The following RAP2C variants were observed in gnomAD, a reference collection of about 807,000 sequenced individuals.
RAP2C encodes RAP2C, member of RAS oncogene family, also known as ras-related protein Rap-2c.
A neutral mutation model predicts 8.9 loss-of-function variants in RAP2C; 3 were observed. The observed-to-expected ratio is 0.34, with a 90% CI of 0.15 to 0.87. RAP2C has a LOEUF of 0.87. Ranked by LOEUF, RAP2C falls within the 40% of genes least tolerant of loss-of-function variation. The probability of loss-of-function intolerance (pLI) is 0.51; values close to 1 mark genes in which losing one functional copy is unlikely to be tolerated. For synonymous variants in RAP2C, 60 were observed against 52.1 expected (o/e 1.15, Z -0.65); for missense variants, 76 against 133.7 (o/e 0.57, Z 2.13).
At chrX:132,214,867 T>C in intron 4 of RAP2C, among the ~76,000 whole-genome samples, 1 of 111,931 alleles carries the variant, frequency 8.9e-6, no homozygotes. Flanking sequence ...TATGCATTCC[T>C]AGCCATGTAG....
At chrX:132,208,603 TTAA>T (rs1164169857) in intron 5 of RAP2C, among the ~76,000 whole-genome samples, 1 of 109,462 alleles carries the variant, frequency 9.1e-6, no homozygotes, top group East Asian at 2.8e-4. Flanking sequence ...AGTAATAATT[TTAA>T]TAAAACATTA....
Position 132,217,101 on chromosome X carries a change from C to T in RAP2C, c.168G>A (p.Leu56=). ...CAAACTGCTCAGTTCCTGCGGTGTC[C>T]AGAATTTCCAGCACGGAGGGGGAAG... ...VDSSPSVLEI[L]DTAGTEQFAS... is the part of the protein sequence containing the mutation. Residue 56 remains leucine, a synonymous_variant, in exon 4 of 6, where the codon CTG becomes CTA. Coordinates refer to ENST00000370874, the MANE Select transcript of RAP2C (RefSeq NM_001271186.2). 1 of 1,202,977 alleles carries T rather than the reference C, an allele frequency of 8.3e-7. No individual in the cohort carries two copies. The highest frequency in any genetic ancestry group is 1.1e-6 in the Non-Finnish European group (1 of 891,073).
chrX:132,216,771 T>C (rs1298378109), intron 4 of RAP2C, among the ~76,000 whole-genome samples: 1 of 112,559 alleles, frequency 8.9e-6, no homozygotes, highest in African/African-American at 3.2e-5. Flanking sequence ...TCACTTTTCT[T>C]TCACTTAAAA....
At position 132,217,299 on chromosome X, in the gene RAP2C, G is replaced by C. The variant is rs375982144; in HGVS notation, c.-31C>G. ...TCACCTTCACCAACTCCTACCAGAGGGGGGGAAAGATCACCCCGCTAGCTG... is the reference window on the plus strand; with the variant it reads ...TCACCTTCACCAACTCCTACCAGAGCGGGGGAAAGATCACCCCGCTAGCTG... On this transcript the variant is annotated 5_prime_UTR_variant, in exon 4 of 6. Coordinates refer to ENST00000370874, the MANE Select transcript of RAP2C (RefSeq NM_001271186.2). 155 of 1,058,322 alleles carry C rather than the reference G, an allele frequency of 1.5e-4. 3 individuals carry two copies. In the Admixed American group the frequency reaches 2.5e-3, roughly 17 times the overall value. The allele number at this position is 1,058,322 out of a possible 1,213,427, so 87.2% of individuals were successfully genotyped here.
intron 4 of RAP2C, among the ~76,000 whole-genome samples, chrX:132,215,115 A>ATTT (rs375550778): frequency 2.9e-5 from 3 of 102,255 alleles, no homozygotes; most frequent in Non-Finnish European, 6.1e-5. Flanking sequence ...GGAAGAAGTC[A>ATTT]TTTTTTTTTT....
intron 5 of RAP2C, 57 bp downstream of exon 5, chrX:132,214,077 T>C (rs941709088): frequency 2.0e-6 from 2 of 1,012,344 alleles, no homozygotes; most frequent in Non-Finnish European, 2.7e-6. Context: ...GCTTTTTGTT[T>C]TACTTGATCA....
intron 2 of RAP2C, 95 bp downstream of exon 2, chrX:132,218,125 CCCACCCCCACCA>C (rs1930715691): frequency 1.2e-5 from 1 of 83,241 alleles, no homozygotes; most frequent in Non-Finnish European, 2.4e-5. Context: ...CACCCCCACC[CCCACCCCCACCA>C]AGCACACACC....
chrX:132,216,629 A>G (rs530227064), intron 4 of RAP2C, among the ~76,000 whole-genome samples: 7 of 111,362 alleles, frequency 6.3e-5, no homozygotes, highest in Admixed American at 4.7e-4. Context: ...TAATTTTTTC[A>G]AAGTGCTCTA....
At chrX:132,212,260 T>C (rs1396282521) in intron 5 of RAP2C, among the ~76,000 whole-genome samples, 1 of 111,785 alleles carries the variant, frequency 8.9e-6, no homozygotes, top group Non-Finnish European at 1.9e-5. Flanking sequence ...ATTTCCATTT[T>C]TAGTATGTTA....
At chrX:132,209,872 C>T (rs910400314) in intron 5 of RAP2C, among the ~76,000 whole-genome samples, 1 of 111,887 alleles carries the variant, frequency 8.9e-6, no homozygotes, top group Non-Finnish European at 1.9e-5. Flanking sequence ...AAGTCTCAAA[C>T]CATGAACCAA....
chrX:132,215,851 C>G (rs1384744407), intron 4 of RAP2C, among the ~76,000 whole-genome samples: 1 of 110,054 alleles, frequency 9.1e-6, no homozygotes, highest in East Asian at 2.8e-4. Flanking sequence ...AGTTTGGTCT[C>G]AATAGCTTTG....
intron 5 of RAP2C, among the ~76,000 whole-genome samples, chrX:132,208,159 A>G (rs972608076): frequency 4.5e-5 from 5 of 111,712 alleles, no homozygotes; most frequent in Non-Finnish European, 7.5e-5. Context: ...GCCTGAAGAA[A>G]AAAAGGGGAT....
intron 5 of RAP2C, among the ~76,000 whole-genome samples, chrX:132,209,741 A>C (rs1320839989): frequency 1.8e-5 from 2 of 111,657 alleles, no homozygotes; most frequent in Non-Finnish European, 3.8e-5. Flanking sequence ...TTATGCAATA[A>C]AAGCCTAATC....
rs1930333951 is a variant in RAP2C, at chrX:132,208,441, T to G, written c.*35-2854A>C. ...TACTTTTTTTGAAAATGAATTTCCT[T>G]TCATATTTAATTAGCATTTTATTTA... is the stretch of plus-strand genomic sequence containing the variant. On this transcript the variant is annotated intron_variant, in intron 5 of 5. Coordinates refer to ENST00000370874, the MANE Select transcript of RAP2C (RefSeq NM_001271186.2). Among the ~76,000 whole-genome samples the G allele has an allele frequency of 4.5e-5, 5 of 111,008 alleles. No homozygotes were observed. The Admixed American group carries it at 4.8e-4, about 11-fold the overall frequency.
chrX:132,216,005 A>G (rs1379546901), intron 4 of RAP2C, among the ~76,000 whole-genome samples: 2 of 112,445 alleles, frequency 1.8e-5, no homozygotes, highest in Admixed American at 9.4e-5. Flanking sequence ...TAAAGCACTT[A>G]AGGTCTCTTA....
At chrX:132,206,539 A>C (rs1930282316) in intron 5 of RAP2C, among the ~76,000 whole-genome samples, 1 of 112,515 alleles carries the variant, frequency 8.9e-6, no homozygotes, top group Non-Finnish European at 1.9e-5. Context: ...CATGAGATAA[A>C]AAATGTTATC....
At chrX:132,217,831 T>C (rs1359156456) in intron 3 of RAP2C, 25 bp from the exon 4 acceptor site, 1 of 111,250 alleles carries the variant, frequency 9.0e-6, no homozygotes, top group Non-Finnish European at 1.9e-5. Context: ...AGGACGCACA[T>C]TACCCGGCTG....
rs1319034820 is a variant in RAP2C at position 132,217,310 on chromosome X, T to C, written c.-42A>G. 7 of 1,050,814 alleles carry C rather than the reference T, an allele frequency of 6.7e-6. No individual in the cohort carries two copies. The highest frequency in any genetic ancestry group is 2.5e-6 in the Non-Finnish European group (2 of 807,182). 86.6% of individuals were successfully genotyped at this position (1,050,814 alleles called of 1,213,427 possible). ...AACTCCTACCAGAGGGGGGGAAAGA[T>C]CACCCCGCTAGCTGTGGCGCGGCTA... is the stretch of plus-strand genomic sequence containing the variant. On this transcript the variant is annotated 5_prime_UTR_variant, in exon 4 of 6. Coordinates refer to ENST00000370874, the MANE Select transcript of RAP2C (RefSeq NM_001271186.2).
Position 132,208,819 on chromosome X carries a change from C to T in RAP2C, c.*35-3232G>A, listed in dbSNP as rs778991298. Among the ~76,000 whole-genome samples the T allele has an allele frequency of 1.2e-3, 134 of 109,636 alleles. 1 individual carries two copies. Among genetic ancestry groups the T allele is most frequent in the African/African-American group, 4.3e-3 (130 of 30,093 alleles). On this transcript the variant is annotated intron_variant, in intron 5 of 5. Transcript: ENST00000370874. ...AGTACTACAGGCACACACCACCATA[C>T]CCAGCTAAGTTTTTTATTTTTATTT... is the stretch of plus-strand genomic sequence containing the variant.
Sources: gnomAD v4.1 joint callset for allele counts (sites outside exome capture counted in the v4.1 genomes callset) on GRCh38, gnomAD v4.1.1 for gene constraint, MANE v1.5 for transcripts, NCBI Gene and HGNC (gene_info 2026-07-23, HGNC 2026-07-21) for gene names.